CFAP70: variants seen among roughly 807,000 people sequenced by gnomAD.
CFAP70 encodes the protein cilia and flagella associated protein 70.
CFAP70 carries 81 observed loss-of-function variants against 137.6 expected under a neutral mutation model. The observed-to-expected ratio is 0.59, with a 90% confidence interval of 0.49 to 0.71. CFAP70 has a LOEUF of 0.71. Among genes scored for constraint, CFAP70 ranks in the 30% least tolerant of loss-of-function variants. The pLI is 0.00. For synonymous variants in CFAP70, 382 were observed against 423.6 expected (o/e 0.90, Z 1.20); for missense variants, 976 against 1,226.7 (o/e 0.80, Z 3.05).
chr10:73,275,665 TTC>T lies in CFAP70; in HGVS notation c.2521-69_2521-68del. The T allele has an allele frequency of 7.6e-7, 1 of 1,321,922 alleles. No homozygotes were observed. The highest frequency in any genetic ancestry group is 1.0e-6 in the Non-Finnish European group (1 of 988,510). The allele number at this position is 1,321,922 out of a possible 1,614,324, so 81.9% of individuals were successfully genotyped here. ...CATTGCGTCTTTTTCGGTTGAAGGA[TTC>T]TGTCTCTGATAATAAATAATACGAA... On this transcript the variant is annotated intron_variant, in intron 21 of 26. Coordinates refer to ENST00000310715, the Ensembl canonical transcript of CFAP70. This position sits in a 1 kb window ranked among gnomAD's most constrained non-coding sequence, Gnocchi z 4.0.
chr10:73,258,215 C>T (rs1222210162), intron 25 of CFAP70, among the ~76,000 whole-genome samples: 1 of 152,224 alleles, frequency 6.6e-6, no homozygotes, highest in Admixed American at 6.5e-5. Flanking sequence ...GTCAGGGACA[C>T]TGAACGGAGG....
intron 6 of CFAP70, 50 bp downstream of exon 7, chr10:73,341,349 T>C: frequency 2.0e-6 from 3 of 1,477,412 alleles, no homozygotes; most frequent in Non-Finnish European, 2.8e-6. Flanking sequence ...TGTTTTATCA[T>C]CTGTCAGTAC....
chr10:73,291,970 A>G (rs2048210694), exon 17 of CFAP70: 11 of 1,614,112 alleles, frequency 6.8e-6, no homozygotes, highest in Non-Finnish European at 9.3e-6. Flanking sequence ...AGAAGGCACC[A>G]TAGTCCAACC....
At position 73,335,413 on chromosome 10, in the gene CFAP70, C is replaced by G. The variant is rs747476895; in HGVS notation, c.677+17G>C. 8.9e-6 allele frequency: 14 copies of G among 1,570,198 alleles called. No individual in the cohort carries two copies. The East Asian group carries it at 2.3e-4, about 25-fold the overall frequency. On this transcript the variant is annotated intron_variant, in intron 7 of 26. Transcript: ENST00000310715. ...AGCCTTTGTGGGTTAGACATATGTC[C>G]TTCCTCTTCTTCTTACCTGACCACT...
At chr10:73,330,129 TATAATA>T (rs769174470) in intron 8 of CFAP70, among the ~76,000 whole-genome samples, 1 of 152,170 alleles carries the variant, frequency 6.6e-6, no homozygotes, top group Non-Finnish European at 1.5e-5. Context: ...TTTCATCTAT[TATAATA>T]ATAATTGGCA....
intron 6 of CFAP70, among the ~76,000 whole-genome samples, chr10:73,336,580 CTTTTTTTT>C (rs58611619): frequency 8.0e-6 from 1 of 124,252 alleles, no homozygotes; most frequent in Non-Finnish European, 1.6e-5. Flanking sequence ...TACTATTTTC[CTTTTTTTT>C]TTTTTTTTTT....
At chr10:73,306,744 A>G (rs914169711) in intron 12 of CFAP70, among the ~76,000 whole-genome samples, 6 of 152,166 alleles carry the variant, frequency 3.9e-5, no homozygotes, top group African/African-American at 9.7e-5. Context: ...TTCTATATCT[A>G]GTAAATTATC....
intron 15 of CFAP70, chr10:73,293,618 G>A (rs1278526705): frequency 2.7e-6 from 1 of 372,852 alleles, no homozygotes. Context: ...CTGAGCTCAT[G>A]GAAGTAAGTA....
rs75628707 is a variant in CFAP70, at chr10:73,290,070, A to G, written c.2239+1156T>C. 1.2e-3 allele frequency among the ~76,000 whole-genome samples: 189 copies of G among 152,002 alleles called. 1 individual carries two copies. The highest frequency in any genetic ancestry group is 2.0e-3 in the Non-Finnish European group (134 of 67,958). ...AAAAAAAAAAAAAAAAGACTTGTAG[A>G]TGAATGTCCATAGTAGTTTTATTTT... On this transcript the variant is annotated intron_variant, in intron 19 of 26. Transcript: ENST00000310715.
rs747600209 is a variant in CFAP70 at position 73,329,921 on chromosome 10, GAC to G, written c.777+1254_777+1255del. On this transcript the variant is annotated intron_variant, in intron 8 of 26. Transcript: ENST00000310715. ...CTACCATGGATGAAGGCGGACGAATGACAGTCTCCTGTCATGTATTTACCATA... is the reference window on the plus strand; with the variant it reads ...CTACCATGGATGAAGGCGGACGAATGAGTCTCCTGTCATGTATTTACCATA... 3.9e-4 allele frequency among the ~76,000 whole-genome samples: 59 copies of G among 152,286 alleles called. 1 individual carries two copies. Among genetic ancestry groups the G allele is most frequent in the Middle Eastern group, 6.8e-3 (2 of 294 alleles).
intron 25 of CFAP70, among the ~76,000 whole-genome samples, chr10:73,259,799 G>C (rs982506919): frequency 2.6e-5 from 4 of 152,136 alleles, no homozygotes; most frequent in African/African-American, 7.2e-5. Context: ...GCAAGGCTGA[G>C]GGGGAAAGAT....
chr10:73,340,945 G>T (rs1337053635), intron 6 of CFAP70, among the ~76,000 whole-genome samples: 2 of 152,138 alleles, frequency 1.3e-5, no homozygotes, highest in East Asian at 1.9e-4. Context: ...GAGGGCACTT[G>T]TTCCCAGCTC....
rs577904813 is a variant in CFAP70 at position 73,335,839 on chromosome 10, T to G, written c.583-315A>C. On this transcript the variant is annotated intron_variant, in intron 6 of 26. Transcript: ENST00000310715. ...ATTAAAATCATCTGGAGTTTTTGTT[T>G]TTTTTTTTTTAAACACCTGGACCCG... Among the ~76,000 whole-genome samples, 439 of 151,204 alleles carry G rather than the reference T, an allele frequency of 2.9e-3. 1 individual carries two copies. Among genetic ancestry groups the G allele is most frequent in the Non-Finnish European group, 5.1e-3 (346 of 67,752 alleles).
chr10:73,261,425 G>A (rs765883632), intron 25 of CFAP70, among the ~76,000 whole-genome samples: 11 of 152,150 alleles, frequency 7.2e-5, no homozygotes, highest in Non-Finnish European at 1.2e-4. Flanking sequence ...AGTGGCTCGC[G>A]AGGCCTCACA....
intron 7 of CFAP70, among the ~76,000 whole-genome samples, chr10:73,334,321 ACAGAAGTTGCCAGATTC>A (rs2052414949): frequency 6.6e-6 from 1 of 152,172 alleles, no homozygotes; most frequent in Non-Finnish European, 1.5e-5. Flanking sequence ...TGAGACATAA[ACAGAAGTTGCCAGATTC>A]CAGGAAGGTT....
chr10:73,348,610 TG>T, intron 3 of CFAP70, 89 bp from the exon 4 acceptor site: 1 of 864,572 alleles, frequency 1.2e-6, no homozygotes, highest in Non-Finnish European at 1.7e-6. Context: ...GTCAAAGATA[TG>T]TAAGTTAAAA....
chr10:73,275,508 G>A lies in CFAP70; in HGVS notation c.2611C>T (p.Leu871Phe). The change falls in exon 22 of 27, where the codon CTT becomes TTT. Residue 871 changes from leucine (L) to phenylalanine (F), a missense_variant. By Grantham distance (22) the Leu-to-Phe change is conservative. Coordinates refer to ENST00000310715, the Ensembl canonical transcript of CFAP70. This position sits in a 1 kb window ranked among gnomAD's most constrained non-coding sequence, Gnocchi z 4.0. The stretch of plus-strand genomic sequence containing the variant: ...TCTGCCTTGGCAAAGTTCTTCTTAA[G>A]AATGTGTGTTTGGGCCAGCACCAAG... 1.2e-6 allele frequency: 2 copies of A among 1,611,992 alleles called. No individual in the cohort carries two copies. The highest frequency in any genetic ancestry group is 4.5e-5 in the East Asian group (2 of 44,664).
At position 73,260,409 on chromosome 10, in the gene CFAP70, T is replaced by A. The variant is rs549533256; in HGVS notation, c.3028-3993A>T. On this transcript the variant is annotated intron_variant, in intron 25 of 26. Transcript: ENST00000310715. ...TGAGGTAAGGAACTAATTTTTTTTT[T>A]AATATGGATAGTAGCCAGTTGTCCC... Among the ~76,000 whole-genome samples the A allele has an allele frequency of 2.6e-5, 4 of 152,294 alleles. No homozygotes were observed. The South Asian group carries it at 8.3e-4, about 32-fold the overall frequency.
chr10:73,324,103 C>T (rs1301265615), intron 8 of CFAP70, among the ~76,000 whole-genome samples: 1 of 152,200 alleles, frequency 6.6e-6, no homozygotes, highest in African/African-American at 2.4e-5. Context: ...GGCAGACTGA[C>T]ACCTCACACT....
Sources: allele counts gnomAD v4.1 joint callset (sites outside exome capture counted in the v4.1 genomes callset), GRCh38; gene constraint gnomAD v4.1.1; non-coding constraint Gnocchi (gnomAD v3.1); transcripts MANE v1.5; gene names NCBI Gene and HGNC (gene_info 2026-07-23, HGNC 2026-07-21).